LMO7: variants seen among roughly 807,000 people sequenced by gnomAD.
The protein encoded by LMO7 is LIM domain 7.
A neutral mutation model predicts 206.5 loss-of-function variants in LMO7; 120 were observed. That is an observed-to-expected ratio of 0.58 (90% confidence interval 0.50 to 0.68). The LOEUF (loss-of-function observed/expected upper bound fraction) is 0.68. Ranked by LOEUF, LMO7 falls within the 30% of genes least tolerant of loss-of-function variation. The pLI is 0.00. For synonymous variants in LMO7, 706 were observed against 681.5 expected (o/e 1.04, Z -0.56); for missense variants, 1,959 against 1,957.9 (o/e 1.00, Z -0.01).
chr13:75,818,766 G>A (rs991611431), intron 12 of LMO7, among the ~76,000 whole-genome samples: 10 of 152,154 alleles, frequency 6.6e-5, no homozygotes, highest in African/African-American at 7.2e-5. Context: ...AGGTGGAACC[G>A]GACCCATGGT....
At chr13:75,632,779 A>G (rs1454314138), upstream of LMO7, among the ~76,000 whole-genome samples, 2 of 151,764 alleles carry the variant, frequency 1.3e-5, no homozygotes, top group East Asian at 1.9e-4. Context: ...TGAATAGTGC[A>G]TAGGATTCAG....
At chr13:75,745,287 A>G (rs1356110274) in intron 3 of LMO7, among the ~76,000 whole-genome samples, 1 of 152,124 alleles carries the variant, frequency 6.6e-6, no homozygotes, top group Non-Finnish European at 1.5e-5. Context: ...TACTTAAAGT[A>G]TTGGGGGCTT....
chr13:75,841,080 G>A (rs535792138), intron 22 of LMO7, 29 bp from the exon 23 acceptor site: 1 of 1,362,780 alleles, frequency 7.3e-7, no homozygotes, highest in East Asian at 2.3e-5. Flanking sequence ...TTAATCTATT[G>A]GATTAATATA....
chr13:75,756,485 G>A (rs2047694163), intron 3 of LMO7, among the ~76,000 whole-genome samples: 2 of 152,100 alleles, frequency 1.3e-5, no homozygotes, highest in Admixed American at 1.3e-4. Context: ...TGACTTTTAG[G>A]GTGGCACCAA....
intron 11 of LMO7, among the ~76,000 whole-genome samples, chr13:75,816,025 A>C (rs1356404040): frequency 2.0e-5 from 3 of 152,190 alleles, no homozygotes; most frequent in Non-Finnish European, 4.4e-5. Context: ...TTGGCAATTG[A>C]AGTGCCTAGG....
intron 4 of LMO7, among the ~76,000 whole-genome samples, chr13:75,761,382 G>A (rs1047663606): frequency 2.0e-5 from 3 of 152,106 alleles, no homozygotes; most frequent in Non-Finnish European, 2.9e-5. Context: ...AGCTTGCAGA[G>A]TAACAACAAT....
At chr13:75,787,412 C>T (rs145534766) in intron 4 of LMO7, among the ~76,000 whole-genome samples, 40 of 152,182 alleles carry the variant, frequency 2.6e-4, no homozygotes, top group African/African-American at 8.9e-4. Flanking sequence ...TCTTTGAATG[C>T]GTGTGTGTGT....
At chr13:75,832,954 T>C (rs755250035) in intron 15 of LMO7, 97 bp from the exon 16 acceptor site, 34 of 646,068 alleles carry the variant, frequency 5.3e-5, no homozygotes, top group Non-Finnish European at 8.7e-5. Context: ...ATGATTCAAG[T>C]CTACCTAGCG....
At chr13:75,679,952 G>T (rs1429061208) in intron 1 of LMO7, among the ~76,000 whole-genome samples, 1 of 152,140 alleles carries the variant, frequency 6.6e-6, no homozygotes, top group East Asian at 1.9e-4. Flanking sequence ...AGAATGTGCA[G>T]GTTTGTTACA....
chr13:75,851,001 A>G (rs1240070418), intron 27 of LMO7, among the ~76,000 whole-genome samples: 1 of 152,164 alleles, frequency 6.6e-6, no homozygotes, highest in Non-Finnish European at 1.5e-5. Context: ...GGGCTACCCC[A>G]TGGCATGGGA....
chr13:75,804,616 A>G (rs938553429), intron 8 of LMO7, 75 bp downstream of exon 8: 4 of 1,488,302 alleles, frequency 2.7e-6, no homozygotes, highest in Non-Finnish European at 3.6e-6. Context: ...GGTAAAAAGA[A>G]TGGCTCTTAA....
chr13:75,794,685 C>G (rs1429009313), intron 4 of LMO7, among the ~76,000 whole-genome samples: 1 of 152,052 alleles, frequency 6.6e-6, no homozygotes, highest in African/African-American at 2.4e-5. Flanking sequence ...TTAGGATGAC[C>G]CATCCCTTTG....
intron 2 of LMO7, among the ~76,000 whole-genome samples, chr13:75,720,447 G>A (rs914648432): frequency 2.0e-5 from 3 of 152,090 alleles, no homozygotes; most frequent in African/African-American, 4.8e-5. Context: ...TTTTCTTCTA[G>A]GAGTTTTAAT....
At chr13:75,780,305 G>A (rs975201380) in intron 4 of LMO7, among the ~76,000 whole-genome samples, 1 of 152,164 alleles carries the variant, frequency 6.6e-6, no homozygotes, top group Middle Eastern at 3.2e-3. Context: ...CATCCCAACT[G>A]CATAAGACAG....
rs747837064 is a variant in LMO7, at chr13:75,839,967, T to A, written c.3452-118T>A. On this transcript the variant is annotated intron_variant, in intron 20 of 30. Coordinates refer to ENST00000377534, the MANE Select transcript of LMO7 (RefSeq NM_001306080.2). ...CTGACTATTGTTTAAAAAAACATTG[T>A]CACTTAGTATACTGGCATAGAGACA... 35 of 868,286 alleles carry A rather than the reference T, an allele frequency of 4.0e-5. No individual in the cohort carries two copies. The African/African-American group carries it at 5.7e-4, about 14-fold the overall frequency. 53.8% of individuals were successfully genotyped at this position (868,286 alleles called of 1,614,324 possible). A position where few individuals can be genotyped will look rare whatever the true frequency, so the allele number is the denominator to read the frequency against.
intron 2 of LMO7, among the ~76,000 whole-genome samples, chr13:75,722,639 A>T (rs563450875): frequency 3.7e-4 from 57 of 152,306 alleles, no homozygotes; most frequent in African/African-American, 1.3e-3. Context: ...CAGTGTGGAG[A>T]TTCCTTAAAG....
chr13:75,696,023 G>A lies in LMO7; in HGVS notation c.70-17159G>A, dbSNP rs115470456. Among the ~76,000 whole-genome samples the A allele has an allele frequency of 4.9e-3, 747 of 152,296 alleles. 8 individuals carry two copies. The highest frequency in any genetic ancestry group is 0.017 in the African/African-American group (701 of 41,556). ...TGCCAGCAGGTGGCAGCAGAGAACA[G>A]AAACTGATTTCATGCCTGATTTCCT... On this transcript the variant is annotated intron_variant, in intron 1 of 30. Coordinates refer to ENST00000377534, the MANE Select transcript of LMO7 (RefSeq NM_001306080.2).
At chr13:75,661,116 G>T (rs1413479973) in intron 1 of LMO7, among the ~76,000 whole-genome samples, 3 of 151,974 alleles carry the variant, frequency 2.0e-5, no homozygotes, top group African/African-American at 4.8e-5. Flanking sequence ...ACTTTCTTTG[G>T]ACCTCTGTTG....
At chr13:75,733,035 T>TG (rs904784783) in intron 3 of LMO7, among the ~76,000 whole-genome samples, 30 of 152,140 alleles carry the variant, frequency 2.0e-4, no homozygotes, top group African/African-American at 7.2e-4. Flanking sequence ...CTGCCCCTAC[T>TG]GGGGGGTGCC....
Sources: allele counts gnomAD v4.1 joint callset (sites outside exome capture counted in the v4.1 genomes callset), GRCh38; gene constraint gnomAD v4.1.1; transcripts MANE v1.5; gene names NCBI Gene and HGNC (gene_info 2026-07-23, HGNC 2026-07-21).